STARD5: variants seen among roughly 807,000 people sequenced by gnomAD.
STARD5 encodes the protein stAR-related lipid transfer protein 5.
STARD5 carries 26 observed loss-of-function variants against 24.6 expected under a neutral mutation model. The ratio of observed to expected loss-of-function variants is 1.06; its 90% CI spans 0.77 to 1.47. STARD5 has a LOEUF of 1.47. Ranked by LOEUF, STARD5 falls within the 40% of genes most tolerant of loss-of-function variation. STARD5 has a pLI of 0.00. For synonymous variants in STARD5, 101 were observed against 99.7 expected, an observed-to-expected ratio of 1.01 and a Z score of -0.07; for missense variants, 254 against 270.8, an observed-to-expected ratio of 0.94 and a Z score of 0.44.
At chr15:81,314,893 G>GAA (rs5814055) in intron 5 of STARD5, among the ~76,000 whole-genome samples, 17,687 of 103,574 alleles carry the variant, frequency 0.17, 2,346 homozygotes, top group Non-Finnish European at 0.23. Context: ...CCTCAAAAAA[G>GAA]AAAAAAAAAA....
chr15:81,322,925 C>G lies in STARD5; in HGVS notation c.123G>C (p.Arg41Ser), dbSNP rs1366162306. The G allele has an allele frequency of 1.2e-6, 2 of 1,614,022 alleles. No homozygotes were observed. The highest frequency in any genetic ancestry group is 1.3e-5 in the African/African-American group (1 of 74,942). The change falls in exon 2 of 6, where the codon AGG (arginine) becomes AGC (serine). Residue 41 changes from arginine to serine, a missense_variant. Physicochemically the swap from Arg to Ser is moderately radical, Grantham distance 110. Coordinates refer to ENST00000302824, the MANE Select transcript of STARD5 (RefSeq NM_181900.3). ...GGTTCCCTGGAAACTCCACAGATGG[C>G]CTCCAGGAAACTGAAACTCCATTCT... is the stretch of plus-strand genomic sequence containing the variant. ...REGNGVSVSW[R>S]PSVEFPGNLY...
chr15:81,322,455 A>C lies in STARD5; in HGVS notation c.235T>G (p.Trp79Gly), dbSNP rs752535119. The C allele has an allele frequency of 6.2e-7, 1 of 1,614,146 alleles. No individual in the cohort carries two copies. Reference sequence around the variant, plus strand: ...TCAAAACCGGTCACATTCTCATCCCACTTCACTCGTAGGCCTCCAACAGCT... The same window carrying C: ...TCAAAACCGGTCACATTCTCATCCCCCTTCACTCGTAGGCCTCCAACAGCT... ...KPAVGGLRVK[W>G]DENVTGFEII... The change falls in exon 3 of 6, where the codon TGG (tryptophan) becomes GGG (glycine). Residue 79 changes from tryptophan to glycine, a missense_variant. Physicochemically the swap from Trp to Gly is radical, Grantham distance 184. Transcript: ENST00000302824.
intron 1 of STARD5, chr15:81,323,586 G>A (rs952304622): frequency 7.5e-6 from 10 of 1,335,316 alleles, no homozygotes; most frequent in Non-Finnish European, 1.1e-5. Flanking sequence ...GTATGCATCA[G>A]ATGCTGGATC....
rs1900879499 is a variant in STARD5 at position 81,311,963 on chromosome 15, G to A, written c.*1293C>T. On this transcript the variant is annotated 3_prime_UTR_variant, in exon 6 of 6. Transcript: ENST00000302824. ...CACATTTAAGAGACAGTCACCCCAG[G>A]ACTCAAAAATAGGGAAGTAACAGTA... 1 of 152,214 alleles carries A rather than the reference G, an allele frequency of 6.6e-6. No individual in the cohort carries two copies. Among genetic ancestry groups the A allele is most frequent in the South Asian group, 2.1e-4 (1 of 4,828 alleles). The allele number at this position is 152,214 out of a possible 1,614,324, so 9.4% of individuals were successfully genotyped here. A position where few individuals can be genotyped will look rare whatever the true frequency, so the allele number is the denominator to read the frequency against.
In STARD5 at chr15:81,311,062, A is replaced by G. The variant is rs941866199; in HGVS notation, c.*2194T>C. 2.0e-5 allele frequency: 3 copies of G among 151,564 alleles called. No homozygotes were observed. The South Asian group carries it at 6.2e-4, about 31-fold the overall frequency. The allele number at this position is 151,564 out of a possible 1,614,324, so 9.4% of individuals were successfully genotyped here. A position where few individuals can be genotyped will look rare whatever the true frequency, so the allele number is the denominator to read the frequency against. On this transcript the variant is annotated 3_prime_UTR_variant, in exon 6 of 6. Transcript: ENST00000302824. ...GGAAGTCCTCTGGGTAGGAATCAGCAAGAAGATCCTAAAACAAAAGCTCAT... is the reference window on the plus strand; with the variant it reads ...GGAAGTCCTCTGGGTAGGAATCAGCGAGAAGATCCTAAAACAAAAGCTCAT...
In STARD5 at chr15:81,322,946, A is replaced by T. The variant is rs776831301; in HGVS notation, c.102T>A (p.Asn34Lys). 1 of 1,613,970 alleles carries T rather than the reference A, an allele frequency of 6.2e-7. No individual in the cohort carries two copies. The highest frequency in any genetic ancestry group is 1.7e-5 in the Admixed American group (1 of 60,006). ...ATGGCCTCCAGGAAACTGAAACTCC[A>T]TTCTGTCAAAAGGCACAGAACCACA... Reference protein sequence around the residue: ...TAGWKICREGNGVSVSWRPSV... With the variant: ...TAGWKICREGKGVSVSWRPSV... The change falls in exon 2 of 6, where the codon AAT becomes AAA. Residue 34 changes from asparagine (N) to lysine (K), a missense_variant and splice_region_variant. By Grantham distance (94) the Asn-to-Lys change is moderately conservative (BLOSUM62 0). Coordinates refer to ENST00000302824, the MANE Select transcript of STARD5 (RefSeq NM_181900.3).
intron 2 of STARD5, 28 bp downstream of exon 2, chr15:81,322,871 G>C: frequency 6.2e-7 from 1 of 1,614,118 alleles, no homozygotes; most frequent in African/African-American, 1.3e-5. Flanking sequence ...GGCACCTCTG[G>C]TAATCTTTGA....
At position 81,318,275 on chromosome 15, in the gene STARD5, G is replaced by A. The variant is rs534905737; in HGVS notation, c.494+134C>T. 59 of 706,714 alleles carry A rather than the reference G, an allele frequency of 8.3e-5. No individual in the cohort carries two copies. In the African/African-American group the frequency reaches 8.7e-4, roughly 10 times the overall value. 43.8% of individuals were successfully genotyped at this position (706,714 alleles called of 1,614,324 possible). A position where few individuals can be genotyped will look rare whatever the true frequency, so the allele number is the denominator to read the frequency against. Reference sequence around the variant, plus strand: ...GATGTGTGTGAAAGTATTTTGTATCGTCACAATCTAAAGAGCTATAAGGCA... The same window carrying A: ...GATGTGTGTGAAAGTATTTTGTATCATCACAATCTAAAGAGCTATAAGGCA... On this transcript the variant is annotated intron_variant, in intron 5 of 5. Coordinates refer to ENST00000302824, the MANE Select transcript of STARD5 (RefSeq NM_181900.3).
chr15:81,314,169 A>G (rs1901016697), intron 5 of STARD5: 1 of 152,230 alleles, frequency 6.6e-6, no homozygotes, highest in Non-Finnish European at 1.5e-5. Context: ...CAAAGGCCCT[A>G]TGAAGCCCTC....
rs188536293 is a variant in STARD5, at chr15:81,309,090, C to T, written c.*4166G>A. Reference sequence around the variant, plus strand: ...AAATAAAATGGATTTATTAGAATTTCATATGACATTCATGCCTGGCTTCGC... The same window carrying T: ...AAATAAAATGGATTTATTAGAATTTTATATGACATTCATGCCTGGCTTCGC... On this transcript the variant is annotated 3_prime_UTR_variant, in exon 6 of 6. Coordinates refer to ENST00000302824, the MANE Select transcript of STARD5 (RefSeq NM_181900.3). 864 of 324,848 alleles carry T rather than the reference C, an allele frequency of 2.7e-3. No homozygotes were observed. The highest frequency in any genetic ancestry group is 4.2e-3 in the Non-Finnish European group (741 of 178,354). The allele number at this position is 324,848 out of a possible 1,614,324, so 20.1% of individuals were successfully genotyped here.
chr15:81,323,008 T>G, intron 1 of STARD5, 60 bp from the exon 2 acceptor site: 1 of 1,589,866 alleles, frequency 6.3e-7, no homozygotes, highest in Non-Finnish European at 8.6e-7. Flanking sequence ...TCACCTGGCT[T>G]AATCCCCTGT....
rs61740947 is a variant in STARD5 at position 81,318,436 on chromosome 15, C to A, written c.467G>T (p.Cys156Phe). ...PGFVRGFNHP[C>F]GCFCEPLPGE... The stretch of plus-strand genomic sequence containing the variant: ...TGGAAGAGGTTCACAGAAGCAACCA[C>A]AAGGATGGTTAAATCCTCTCACAAA... The change falls in exon 5 of 6, where the codon TGT becomes TTT. Residue 156 changes from cysteine to phenylalanine, a missense_variant. Coordinates refer to ENST00000302824, the MANE Select transcript of STARD5 (RefSeq NM_181900.3). 8.8e-4 allele frequency: 1,416 copies of A among 1,614,152 alleles called. 12 individuals are homozygous for A. The African/African-American group carries it at 0.011, about 13-fold the overall frequency.
intron 3 of STARD5, 36 bp from the exon 4 acceptor site, chr15:81,319,492 G>A (rs763486393): frequency 3.8e-6 from 6 of 1,581,922 alleles, no homozygotes; most frequent in Non-Finnish European, 5.2e-6. Flanking sequence ...TGTGACTGCT[G>A]GCCAGACATC....
intron 4 of STARD5, among the ~76,000 whole-genome samples, chr15:81,319,048 C>T (rs921885277): frequency 1.3e-5 from 2 of 151,966 alleles, no homozygotes; most frequent in African/African-American, 2.4e-5. Flanking sequence ...TTTTTTGCCA[C>T]CCAACTAACC....
rs756981119 is a variant in STARD5 at position 81,312,081 on chromosome 15, C to A, written c.*1175G>T. Reference sequence around the variant, plus strand: ...ACAATAGTAACCTGGGTAAATGCAGCGTGAAGGGATTTTAGTCACACGTGG... The same window carrying A: ...ACAATAGTAACCTGGGTAAATGCAGAGTGAAGGGATTTTAGTCACACGTGG... On this transcript the variant is annotated 3_prime_UTR_variant, in exon 6 of 6. Coordinates refer to ENST00000302824, the MANE Select transcript of STARD5 (RefSeq NM_181900.3). 1 of 152,162 alleles carries A rather than the reference C, an allele frequency of 6.6e-6. No homozygotes were observed. The highest frequency in any genetic ancestry group is 1.5e-5 in the Non-Finnish European group (1 of 68,052). The allele number at this position is 152,162 out of a possible 1,614,324, so 9.4% of individuals were successfully genotyped here.
chr15:81,314,340 A>G (rs918112116), intron 5 of STARD5, among the ~76,000 whole-genome samples: 4 of 152,212 alleles, frequency 2.6e-5, no homozygotes, highest in African/African-American at 7.2e-5. Context: ...GAAGTCCAGA[A>G]TCAAAGGGGC....
At chr15:81,320,791 G>A (rs2141677435) in intron 3 of STARD5, among the ~76,000 whole-genome samples, 3 of 152,206 alleles carry the variant, frequency 2.0e-5, no homozygotes, top group Middle Eastern at 3.4e-3. Context: ...CTGCCTCCAA[G>A]TGCATCATTC....
intron 5 of STARD5, among the ~76,000 whole-genome samples, chr15:81,315,807 G>A (rs570028559): frequency 9.9e-5 from 15 of 152,272 alleles, no homozygotes; most frequent in Non-Finnish European, 1.9e-4. Context: ...GGTGGGTGAG[G>A]GAGAGGGTGG....
chr15:81,317,856 C>G (rs1901114493), intron 5 of STARD5, among the ~76,000 whole-genome samples: 1 of 152,198 alleles, frequency 6.6e-6, no homozygotes, highest in Non-Finnish European at 1.5e-5. Context: ...AAAATGGGAA[C>G]AGAGAGTCCC....
Sources: allele counts gnomAD v4.1 joint callset (sites outside exome capture counted in the v4.1 genomes callset), GRCh38; gene constraint gnomAD v4.1.1; transcripts MANE v1.5; gene names NCBI Gene and HGNC (gene_info 2026-07-23, HGNC 2026-07-21).